The following FOXP1 variants were observed in gnomAD, a reference collection of about 807,000 sequenced individuals.
The protein encoded by FOXP1 is forkhead box P1.
In FOXP1, 15 loss-of-function variants were observed where a neutral mutation model predicts 98.2. The ratio of observed to expected loss-of-function variants is 0.15; its 90% CI spans 0.10 to 0.24. The LOEUF is 0.24. Ranked by LOEUF, FOXP1 falls within the 10% of genes least tolerant of loss-of-function variation. The pLI is 1.00. For missense variants in FOXP1, 633 were observed against 848.5 expected (o/e 0.75, Z 3.15); for synonymous variants, 371 against 314.5 (o/e 1.18, Z -1.90).
At chr3:71,183,850 A>G (rs2062480378) in intron 6 of FOXP1, among the ~76,000 whole-genome samples, 1 of 152,088 alleles carries the variant, frequency 6.6e-6, no homozygotes, top group Non-Finnish European at 1.5e-5. Context: ...CCAGTAATCT[A>G]TGTTTTAAGA....
chr3:71,355,712 CT>C (rs1202951362), intron 4 of FOXP1, among the ~76,000 whole-genome samples: 1 of 152,188 alleles, frequency 6.6e-6, no homozygotes, highest in Non-Finnish European at 1.5e-5. Flanking sequence ...AGGCAGACCC[CT>C]GATAAGTACT....
chr3:71,169,009 A>G (rs2061518064), intron 6 of FOXP1, among the ~76,000 whole-genome samples: 1 of 152,322 alleles, frequency 6.6e-6, no homozygotes, highest in African/African-American at 2.4e-5. Context: ...ACTCACTTGA[A>G]AAAGTGAAGA....
chr3:71,355,213 G>A (rs956853795), intron 4 of FOXP1, among the ~76,000 whole-genome samples: 4 of 152,164 alleles, frequency 2.6e-5, no homozygotes, highest in African/African-American at 7.2e-5. Context: ...GAAATTCACA[G>A]GGAAATCCCC....
chr3:70,969,070 C>CTAAT (rs1433860757), intron 19 of FOXP1: 1 of 150,672 alleles, frequency 6.6e-6, no homozygotes, highest in Admixed American at 6.6e-5. Context: ...ACAAAGCATA[C>CTAAT]TAATTGAAAT....
intron 5 of FOXP1, among the ~76,000 whole-genome samples, chr3:71,231,812 T>C (rs1042778081): frequency 4.6e-5 from 7 of 152,238 alleles, no homozygotes; most frequent in Admixed American, 6.5e-5. Context: ...TCAAAGAATG[T>C]AGGGTGTCAG....
intron 5 of FOXP1, among the ~76,000 whole-genome samples, chr3:71,216,987 C>T (rs546692854): frequency 6.6e-6 from 1 of 152,276 alleles, no homozygotes; most frequent in East Asian, 1.9e-4. Flanking sequence ...GTAAAAATTA[C>T]CTGGTCCACG....
intron 11 of FOXP1, among the ~76,000 whole-genome samples, chr3:71,024,189 G>T (rs747457927): frequency 5.9e-5 from 9 of 152,164 alleles, no homozygotes; most frequent in Non-Finnish European, 1.0e-4. Flanking sequence ...GTGGGAACAG[G>T]AGAAACGACG....
intron 7 of FOXP1, among the ~76,000 whole-genome samples, chr3:71,059,054 A>C (rs952802349): frequency 2.6e-5 from 4 of 152,208 alleles, no homozygotes; most frequent in Non-Finnish European, 5.9e-5. Flanking sequence ...TCATCTAGGT[A>C]GTCAGTCATT....
chr3:71,185,401 G>A (rs139365221), intron 6 of FOXP1, among the ~76,000 whole-genome samples: 3 of 152,114 alleles, frequency 2.0e-5, no homozygotes, highest in African/African-American at 4.8e-5. Flanking sequence ...AAATGCCTTC[G>A]AATTTGGCAA....
intron 2 of FOXP1, among the ~76,000 whole-genome samples, chr3:71,521,464 T>C (rs778144620): frequency 6.7e-6 from 1 of 150,304 alleles, no homozygotes; most frequent in Non-Finnish European, 1.5e-5. Flanking sequence ...GAGGTGGAGA[T>C]TGTGGTGAGC....
chr3:71,526,208 A>G (rs2043369376), intron 2 of FOXP1, among the ~76,000 whole-genome samples: 1 of 152,222 alleles, frequency 6.6e-6, no homozygotes, highest in Non-Finnish European at 1.5e-5. Flanking sequence ...CACAATGACC[A>G]AAATTATGGC....
chr3:71,538,827 T>C (rs751736469), intron 2 of FOXP1, among the ~76,000 whole-genome samples: 4 of 152,228 alleles, frequency 2.6e-5, no homozygotes, highest in Non-Finnish European at 2.9e-5. Context: ...TAGGTCTTAA[T>C]ACTTTCGGGT....
intron 6 of FOXP1, among the ~76,000 whole-genome samples, chr3:71,139,116 G>C (rs927584052): frequency 1.3e-5 from 2 of 152,124 alleles, no homozygotes; most frequent in African/African-American, 4.8e-5. Flanking sequence ...TTACAATCCT[G>C]AGATAAGTAA....
chr3:71,319,068 G>A (rs1211132837), intron 4 of FOXP1, among the ~76,000 whole-genome samples: 2 of 152,148 alleles, frequency 1.3e-5, no homozygotes, highest in Admixed American at 6.5e-5. Context: ...ACTGGAAGTC[G>A]TGATTTTGCC....
At chr3:71,464,008 G>A (rs2088435994) in intron 3 of FOXP1, among the ~76,000 whole-genome samples, 1 of 152,184 alleles carries the variant, frequency 6.6e-6, no homozygotes, top group African/African-American at 2.4e-5. Context: ...GCTACACATG[G>A]TGGCTCACGC....
intron 2 of FOXP1, among the ~76,000 whole-genome samples, chr3:71,513,206 T>C (rs1343044917): frequency 6.6e-6 from 1 of 152,042 alleles, no homozygotes; most frequent in South Asian, 2.1e-4. Context: ...TCAAGCAGGC[T>C]CTATCCACGT....
intron 3 of FOXP1, among the ~76,000 whole-genome samples, chr3:71,427,973 C>T (rs1358486143): frequency 6.6e-6 from 1 of 152,108 alleles, no homozygotes; most frequent in African/African-American, 2.4e-5. Context: ...AAGATCAGCT[C>T]AAAACAGGGC....
chr3:70,997,707 C>T (rs1486023068), intron 13 of FOXP1, among the ~76,000 whole-genome samples: 1 of 152,212 alleles, frequency 6.6e-6, no homozygotes, highest in Non-Finnish European at 1.5e-5. Context: ...TGGACAGTCG[C>T]ACTAGCAAAT....
chr3:71,064,119 G>A (rs2051987416), intron 7 of FOXP1, among the ~76,000 whole-genome samples: 1 of 152,144 alleles, frequency 6.6e-6, no homozygotes, highest in African/African-American at 2.4e-5. Context: ...ATGCAACAGA[G>A]GCTTAGAATC....
Sources: gnomAD v4.1 joint callset for allele counts (sites outside exome capture counted in the v4.1 genomes callset) on GRCh38, gnomAD v4.1.1 for gene constraint, MANE v1.5 for transcripts, NCBI Gene and HGNC (gene_info 2026-07-23, HGNC 2026-07-21) for gene names.